The following SYNPO2 variants were observed in gnomAD, a reference collection of about 807,000 sequenced individuals.
SYNPO2 encodes synaptopodin-2.
In SYNPO2, 56 loss-of-function variants were observed where a neutral mutation model predicts 85.0. The ratio of observed to expected loss-of-function variants is 0.66; its 90% CI spans 0.53 to 0.82. The LOEUF (loss-of-function observed/expected upper bound fraction) is 0.82, where lower values mean the gene tolerates loss of function less well. Ranked by LOEUF, SYNPO2 falls within the 40% of genes least tolerant of loss-of-function variation. The pLI, the probability that SYNPO2 is intolerant of heterozygous loss-of-function variation, is 0.00. For missense variants in SYNPO2, 1,575 were observed against 1,534.2 expected (o/e 1.03, Z -0.44); for synonymous variants, 602 against 591.1 (o/e 1.02, Z -0.27).
chr4:118,964,995 A>G (rs1735257256), intron 1 of SYNPO2, among the ~76,000 whole-genome samples: 1 of 152,050 alleles, frequency 6.6e-6, no homozygotes, highest in African/African-American at 2.4e-5. Context: ...TGCTCCCAAG[A>G]TTTCTGTTGC....
intron 1 of SYNPO2, among the ~76,000 whole-genome samples, chr4:119,013,153 T>C (rs138393452): frequency 1.1e-3 from 170 of 152,316 alleles, no homozygotes; most frequent in African/African-American, 4.0e-3. Flanking sequence ...CAATGGTGGC[T>C]GAAACCACTT....
chr4:118,940,060 A>G (rs1734251076), intron 1 of SYNPO2, among the ~76,000 whole-genome samples: 1 of 144,394 alleles, frequency 6.9e-6, no homozygotes, highest in Admixed American at 7.4e-5. Context: ...ATCTTGGCTC[A>G]CTGCAACCTC....
intron 1 of SYNPO2, among the ~76,000 whole-genome samples, chr4:118,975,032 A>G (rs1735671097): frequency 6.6e-6 from 1 of 152,148 alleles, no homozygotes; most frequent in Non-Finnish European, 1.5e-5. Flanking sequence ...CTGGCATTCA[A>G]AACTCTTTTC....
At chr4:119,032,566 T>A (rs1738325214) in intron 4 of SYNPO2, 2 of 996,642 alleles carry the variant, frequency 2.0e-6, no homozygotes. Flanking sequence ...CTCAGCCACC[T>A]GTTTGATATC....
At chr4:119,038,125 A>C in intron 4 of SYNPO2, 2 of 985,144 alleles carry the variant, frequency 2.0e-6, no homozygotes, top group Non-Finnish European at 2.4e-6. Flanking sequence ...TGCTCTCCCT[A>C]CAGTACCACA....
intron 1 of SYNPO2, among the ~76,000 whole-genome samples, chr4:118,857,149 A>G (rs1428648618): frequency 6.6e-6 from 1 of 152,226 alleles, no homozygotes; most frequent in Non-Finnish European, 1.5e-5. Context: ...TCTATCATCC[A>G]TGAATGCTGT....
intron 1 of SYNPO2, among the ~76,000 whole-genome samples, chr4:118,878,131 CGTT>C (rs1731961755): frequency 6.6e-6 from 1 of 152,020 alleles, no homozygotes; most frequent in South Asian, 2.1e-4. Context: ...CGCATGTTCT[CGTT>C]TATAAGTGGG....
At chr4:118,923,789 G>A (rs187698885) in intron 1 of SYNPO2, among the ~76,000 whole-genome samples, 61 of 150,928 alleles carry the variant, frequency 4.0e-4, no homozygotes, top group Non-Finnish European at 7.7e-4. Flanking sequence ...TGTAGCCTTT[G>A]TGCTACCCCT....
chr4:119,050,086 C>T (rs1008601742), intron 4 of SYNPO2, among the ~76,000 whole-genome samples: 6 of 152,114 alleles, frequency 3.9e-5, no homozygotes, highest in Non-Finnish European at 8.8e-5. Context: ...AATCCCAGCA[C>T]TTTAGGAGGT....
chr4:118,905,666 T>C (rs1306803266), intron 1 of SYNPO2, among the ~76,000 whole-genome samples: 1 of 152,178 alleles, frequency 6.6e-6, no homozygotes, highest in Non-Finnish European at 1.5e-5. Context: ...TTCCTTTCAT[T>C]GTACTTATCC....
intron 3 of SYNPO2, among the ~76,000 whole-genome samples, chr4:119,029,634 A>C: frequency 6.6e-6 from 1 of 152,310 alleles, no homozygotes; most frequent in Admixed American, 6.5e-5. Context: ...AAATATTTTT[A>C]TGTAAACAAA....
chr4:118,908,719 C>T (rs1733027358), intron 1 of SYNPO2, among the ~76,000 whole-genome samples: 1 of 151,980 alleles, frequency 6.6e-6, no homozygotes, highest in Non-Finnish European at 1.5e-5. Flanking sequence ...ATGATAAAGC[C>T]TTATAGAACA....
intron 1 of SYNPO2, among the ~76,000 whole-genome samples, chr4:118,915,833 A>G (rs1420400516): frequency 1.3e-5 from 2 of 152,090 alleles, no homozygotes; most frequent in African/African-American, 4.8e-5. Context: ...CAACTTCTTA[A>G]TGCTTCATTT....
intron 1 of SYNPO2, among the ~76,000 whole-genome samples, chr4:118,976,858 G>C (rs959094101): frequency 1.6e-4 from 24 of 152,336 alleles, no homozygotes; most frequent in African/African-American, 4.1e-4. Context: ...GCTAGATACA[G>C]AGTGTCGATT....
At chr4:118,976,664 G>A (rs1000957076) in intron 1 of SYNPO2, among the ~76,000 whole-genome samples, 3 of 152,112 alleles carry the variant, frequency 2.0e-5, no homozygotes, top group African/African-American at 4.8e-5. Context: ...CCACACACAG[G>A]TTCTCCAAGG....
intron 1 of SYNPO2, among the ~76,000 whole-genome samples, chr4:119,011,920 C>CTT (rs548974684): frequency 0.04 from 4,332 of 109,552 alleles, 313 homozygotes; most frequent in African/African-American, 0.091. Flanking sequence ...TTTCTATAGA[C>CTT]TTTTTTTTTT....
intron 1 of SYNPO2, among the ~76,000 whole-genome samples, chr4:119,010,076 A>G (rs992270899): frequency 2.0e-5 from 3 of 152,204 alleles, no homozygotes; most frequent in African/African-American, 7.2e-5. Context: ...ATTAGATACT[A>G]TAGTATTCGT....
Position 118,967,860 on chromosome 4 carries a change from C to CAA in SYNPO2, c.106-55555_106-55554dup, listed in dbSNP as rs34878457. On this transcript the variant is annotated intron_variant, in intron 1 of 4. Coordinates refer to ENST00000307142, the MANE Select transcript of SYNPO2 (RefSeq NM_133477.3). Reference sequence around the variant, plus strand: ...TTCTTGATTTGAAAAATCTTTATACCAAAAAAAAAAAAAAAAGTCAACTTA... The same window carrying CAA: ...TTCTTGATTTGAAAAATCTTTATACCAAAAAAAAAAAAAAAAAAGTCAACTTA... Among the ~76,000 whole-genome samples the CAA allele has an allele frequency of 5.6e-3, 815 of 145,302 alleles. 7 individuals carry two copies. Among genetic ancestry groups the CAA allele is most frequent in the African/African-American group, 0.016 (636 of 38,620 alleles).
chr4:118,923,746 T>C (rs1733617134), intron 1 of SYNPO2, among the ~76,000 whole-genome samples: 1 of 152,078 alleles, frequency 6.6e-6, no homozygotes, highest in Non-Finnish European at 1.5e-5. Flanking sequence ...AGAATACAGA[T>C]CTACTTAGGA....
Sources: allele counts gnomAD v4.1 joint callset (sites outside exome capture counted in the v4.1 genomes callset), GRCh38; gene constraint gnomAD v4.1.1; transcripts MANE v1.5; gene names NCBI Gene and HGNC (gene_info 2026-07-23, HGNC 2026-07-21).